CSMD1: variants seen among roughly 807,000 people sequenced by gnomAD.
The protein encoded by CSMD1 is CUB and sushi domain-containing protein 1.
CSMD1 carries 213 observed loss-of-function variants against 417.5 expected under a neutral mutation model. The observed-to-expected ratio is 0.51, with a 90% CI of 0.46 to 0.57. The LOEUF is 0.57. Among genes scored for constraint, CSMD1 ranks in the 20% least tolerant of loss-of-function variants. The pLI, the probability that CSMD1 is intolerant of heterozygous loss-of-function variation, is 0.00. For synonymous variants in CSMD1, 2,862 were observed against 1,736.8 expected, an observed-to-expected ratio of 1.65 and a Z score of -16.11; for missense variants, 6,923 against 4,529.7, an observed-to-expected ratio of 1.53 and a Z score of -15.17.
Position 3,106,514 on chromosome 8 carries a change from C to G in CSMD1, c.6949+14G>C, listed in dbSNP as rs770151226. On this transcript the variant is annotated intron_variant, in intron 46 of 69. Transcript: ENST00000635120. The stretch of plus-strand genomic sequence containing the variant: ...GAATAAGTTTATGTAGTTTTAGTAT[C>G]GAACAGTGCATACCTTCACATGTTG... The G allele has an allele frequency of 7.2e-6, 11 of 1,531,680 alleles. No homozygotes were observed. Among genetic ancestry groups the G allele is most frequent in the African/African-American group, 5.5e-5 (4 of 73,202 alleles). The allele number at this position is 1,531,680 out of a possible 1,614,324, so 94.9% of individuals were successfully genotyped here.
chr8:4,910,437 G>C (rs567841824), intron 1 of CSMD1, among the ~76,000 whole-genome samples: 99 of 152,292 alleles, frequency 6.5e-4, no homozygotes, highest in Non-Finnish European at 1.1e-3. Flanking sequence ...GAGAAGTCCA[G>C]GATCAAGTTA....
intron 5 of CSMD1, among the ~76,000 whole-genome samples, chr8:3,797,022 A>T (rs1053729709): frequency 6.6e-6 from 1 of 151,902 alleles, no homozygotes; most frequent in African/African-American, 2.4e-5. Flanking sequence ...TAATTATATA[A>T]ATTTAAAAAT....
chr8:2,940,189 G>C (rs1801771212), intron 69 of CSMD1, among the ~76,000 whole-genome samples: 2 of 152,202 alleles, frequency 1.3e-5, no homozygotes, highest in African/African-American at 4.8e-5. Flanking sequence ...TGACCAGGTG[G>C]TGAGAACTTG....
intron 7 of CSMD1, among the ~76,000 whole-genome samples, chr8:3,652,459 C>T (rs1418364727): frequency 6.6e-6 from 1 of 152,224 alleles, no homozygotes; most frequent in East Asian, 1.9e-4. Flanking sequence ...CATTCTCTTG[C>T]TGCTAATAAA....
chr8:4,259,487 A>G (rs1803721710), intron 3 of CSMD1, among the ~76,000 whole-genome samples: 2 of 152,102 alleles, frequency 1.3e-5, no homozygotes, highest in South Asian at 4.1e-4. Flanking sequence ...AAATTTTCAT[A>G]CATAAAGTTT....
At chr8:4,407,342 A>G (rs1203910061) in intron 3 of CSMD1, among the ~76,000 whole-genome samples, 4 of 152,222 alleles carry the variant, frequency 2.6e-5, no homozygotes, top group Non-Finnish European at 5.9e-5. Flanking sequence ...ATATACAATA[A>G]CTTTTTTAAA....
chr8:4,634,747 T>C (rs1802724919), intron 2 of CSMD1, among the ~76,000 whole-genome samples: 1 of 152,202 alleles, frequency 6.6e-6, no homozygotes. Flanking sequence ...TTTGCTACTA[T>C]TTATAACTAC....
chr8:4,418,389 C>T (rs1044989156), intron 3 of CSMD1, among the ~76,000 whole-genome samples: 1 of 152,016 alleles, frequency 6.6e-6, no homozygotes, highest in Non-Finnish European at 1.5e-5. Context: ...CCAGTAAACC[C>T]AGAAATAGCC....
chr8:4,722,076 T>C (rs1386270594), intron 1 of CSMD1, among the ~76,000 whole-genome samples: 1 of 152,122 alleles, frequency 6.6e-6, no homozygotes, highest in African/African-American at 2.4e-5. Flanking sequence ...GATGAATAAG[T>C]CAAGAAATCT....
At chr8:4,214,647 CGTGTAT>C (rs1450046806) in intron 3 of CSMD1, among the ~76,000 whole-genome samples, 1 of 151,970 alleles carries the variant, frequency 6.6e-6, no homozygotes, top group Non-Finnish European at 1.5e-5. Context: ...TTTGCATGCA[CGTGTAT>C]GTGTGTGTGT....
intron 2 of CSMD1, among the ~76,000 whole-genome samples, chr8:4,474,564 A>G (rs1037769737): frequency 1.3e-5 from 2 of 152,210 alleles, no homozygotes; most frequent in Non-Finnish European, 2.9e-5. Flanking sequence ...TGAGAGTGAG[A>G]GCTCTAAAGA....
Position 3,630,071 on chromosome 8 carries a change from C to G in CSMD1, c.1010-13274G>C, listed in dbSNP as rs575599218. ...CTTTTCTACATTAGAGATCAAAATC[C>G]CCATGGAAATAACACTTTAAAAGAG... On this transcript the variant is annotated intron_variant, in intron 7 of 69. Transcript: ENST00000635120. Among the ~76,000 whole-genome samples, 5 of 152,100 alleles carry G rather than the reference C, an allele frequency of 3.3e-5. No individual in the cohort carries two copies. The East Asian group carries it at 7.7e-4, about 23-fold the overall frequency.
At chr8:3,474,655 C>A (rs548469732) in intron 11 of CSMD1, among the ~76,000 whole-genome samples, 1 of 152,044 alleles carries the variant, frequency 6.6e-6, no homozygotes, top group Admixed American at 6.5e-5. Flanking sequence ...ATCAATTAGC[C>A]TAAGGGGAAA....
At chr8:4,535,230 T>C (rs1797045488) in intron 2 of CSMD1, among the ~76,000 whole-genome samples, 1 of 152,200 alleles carries the variant, frequency 6.6e-6, no homozygotes, top group African/African-American at 2.4e-5. Context: ...AATAACTACA[T>C]TTTAACAATT....
intron 25 of CSMD1, among the ~76,000 whole-genome samples, chr8:3,293,337 G>A (rs906467638): frequency 1.3e-5 from 2 of 152,104 alleles, no homozygotes; most frequent in South Asian, 2.1e-4. Flanking sequence ...TATCTTTGTG[G>A]CGTTCTCTGG....
intron 2 of CSMD1, among the ~76,000 whole-genome samples, chr8:4,601,340 G>C (rs891151150): frequency 6.6e-6 from 1 of 152,194 alleles, no homozygotes; most frequent in African/African-American, 2.4e-5. Context: ...GGAGACAGAG[G>C]TGGAGCTGTA....
At chr8:4,699,446 G>C (rs1393327150) in intron 1 of CSMD1, among the ~76,000 whole-genome samples, 1 of 152,116 alleles carries the variant, frequency 6.6e-6, no homozygotes, top group Admixed American at 6.5e-5. Flanking sequence ...CAGGTTCAAT[G>C]TCATATTCTA....
At chr8:3,334,819 G>A (rs1443931703) in intron 23 of CSMD1, among the ~76,000 whole-genome samples, 1 of 152,020 alleles carries the variant, frequency 6.6e-6, no homozygotes. Context: ...TTTAAACTGA[G>A]TATGACCAGG....
At chr8:4,992,800 G>T (rs1371027838) in intron 1 of CSMD1, among the ~76,000 whole-genome samples, 4 of 152,232 alleles carry the variant, frequency 2.6e-5, no homozygotes, top group Non-Finnish European at 1.5e-5. Context: ...TGGGCAGAGG[G>T]TCGGCGTCTG....
Sources: gnomAD v4.1 joint callset for allele counts (sites outside exome capture counted in the v4.1 genomes callset) on GRCh38, gnomAD v4.1.1 for gene constraint, MANE v1.5 for transcripts, NCBI Gene and HGNC (gene_info 2026-07-23, HGNC 2026-07-21) for gene names.